Variants in BBS7 observed in about 807,000 individuals in gnomAD.
The protein encoded by BBS7 is BBSome complex member BBS7.
BBS7 carries 50 observed loss-of-function variants against 90.3 expected under a neutral mutation model. The observed-to-expected ratio is 0.55, with a 90% CI of 0.44 to 0.70. The LOEUF (loss-of-function observed/expected upper bound fraction) is 0.70. BBS7 is among the 30% of genes least tolerant of loss of function. The pLI, the probability that BBS7 is intolerant of heterozygous loss-of-function variation, is 0.00. For synonymous variants in BBS7, 235 were observed against 287.4 expected (o/e 0.82, Z 1.85); for missense variants, 729 against 838.9 (o/e 0.87, Z 1.62).
At chr4:121,837,050 C>T (rs1320413151) in intron 13 of BBS7, among the ~76,000 whole-genome samples, 2 of 152,022 alleles carry the variant, frequency 1.3e-5, no homozygotes, top group South Asian at 2.1e-4. Context: ...ACCTCCGTCT[C>T]CTGGGTTCAA....
chr4:121,844,835 T>C (rs1208776089), intron 11 of BBS7, among the ~76,000 whole-genome samples: 1 of 151,046 alleles, frequency 6.6e-6, no homozygotes, highest in African/African-American at 2.4e-5. Context: ...TTTGGGGCTT[T>C]AAAAAAAAAT....
At chr4:121,829,403 G>A (rs1725066270) in intron 15 of BBS7, among the ~76,000 whole-genome samples, 2 of 151,846 alleles carry the variant, frequency 1.3e-5, no homozygotes, top group African/African-American at 4.8e-5. Flanking sequence ...CCCAGCTAAT[G>A]TTTTCGTATT....
At position 121,825,989 on chromosome 4, in the gene BBS7, C is replaced by T; in HGVS notation, c.2019G>A (p.Met673Ile). 1.3e-6 allele frequency: 2 copies of T among 1,596,244 alleles called. No homozygotes were observed. The highest frequency in any genetic ancestry group is 1.7e-6 in the Non-Finnish European group (2 of 1,165,596). Residue 673 changes from methionine (M) to isoleucine (I), a missense_variant, in exon 19 of 19, where the codon ATG (methionine) becomes ATA (isoleucine). Met to Ile is a conservative substitution (Grantham distance 10). Coordinates refer to ENST00000264499, the MANE Select transcript of BBS7 (RefSeq NM_176824.3). ...QPAHLERLYG[M>I]ITDLFIDKFK... Reference sequence around the variant, plus strand: ...ATTTATCTATGAAAAGATCAGTGATCATGCCTTTAAAGAAAAAACATAAAT... The same window carrying T: ...ATTTATCTATGAAAAGATCAGTGATTATGCCTTTAAAGAAAAAACATAAAT...
At chr4:121,854,930 T>TG in intron 6 of BBS7, 110 bp from the exon 7 acceptor site, 1 of 1,058,140 alleles carries the variant, frequency 9.5e-7, no homozygotes, top group South Asian at 1.4e-5. Context: ...TATAAAAAGA[T>TG]ATAAAACTTA....
chr4:121,831,036 C>T (rs1413055682), intron 15 of BBS7, among the ~76,000 whole-genome samples: 1 of 151,790 alleles, frequency 6.6e-6, no homozygotes, highest in Non-Finnish European at 1.5e-5. Flanking sequence ...TGAAACTAGT[C>T]TCTACTAAAA....
chr4:121,842,342 T>A (rs1010837816), intron 12 of BBS7, among the ~76,000 whole-genome samples: 11 of 151,026 alleles, frequency 7.3e-5, no homozygotes, highest in African/African-American at 1.9e-4. Context: ...TTTTTAAAAA[T>A]ATATATATAA....
rs755304231 is a variant in BBS7 at position 121,833,261 on chromosome 4, A to G, written c.1646T>C (p.Phe549Ser). ...ECVTFYFQNTFLDTQLESTYR... is the reference protein window; with the variant it reads ...ECVTFYFQNTSLDTQLESTYR... ...GGTACTTTCAAGTTGTGTATCTAGA[A>G]AGGTGTTCTGAAAGTAAAATGTCAC... is the stretch of plus-strand genomic sequence containing the variant. The change falls in exon 15 of 19, where the codon TTT (phenylalanine) becomes TCT (serine). Residue 549 changes from phenylalanine to serine, a missense_variant. Phe to Ser is a radical substitution (Grantham distance 155, BLOSUM62 -2). Transcript: ENST00000264499. 6.2e-7 allele frequency: 1 copy of G among 1,614,016 alleles called. No homozygotes were observed. The highest frequency in any genetic ancestry group is 1.1e-5 in the South Asian group (1 of 91,082).
chr4:121,853,137 C>A, intron 7 of BBS7, 51 bp from the exon 8 acceptor site: 3 of 1,576,952 alleles, frequency 1.9e-6, no homozygotes, highest in South Asian at 2.2e-5. Context: ...TAGTTATGGT[C>A]AAGTATATGC....
intron 14 of BBS7, 39 bp downstream of exon 14, chr4:121,835,105 T>C (rs1176332643): frequency 6.2e-7 from 1 of 1,607,124 alleles, no homozygotes; most frequent in Non-Finnish European, 8.5e-7. Context: ...TTGAATTGTG[T>C]AATATCCTAA....
At chr4:121,844,117 A>T in intron 11 of BBS7, 116 bp from the exon 12 acceptor site, 2 of 671,576 alleles carry the variant, frequency 3.0e-6, no homozygotes, top group South Asian at 3.6e-5. Context: ...TTTAAATTTG[A>T]GAGTATGAAT....
Position 121,845,749 on chromosome 4 carries a change from C to G in BBS7, c.1038-53G>C, listed in dbSNP as rs367875451. The stretch of plus-strand genomic sequence containing the variant: ...AAATATAAGTATAAACATTTGAGGT[C>G]GTTAGGATGTTTACAAAAATTTGAG... On this transcript the variant is annotated intron_variant, in intron 10 of 18. Coordinates refer to ENST00000264499, the MANE Select transcript of BBS7 (RefSeq NM_176824.3). 3.4e-6 allele frequency: 5 copies of G among 1,475,534 alleles called. No homozygotes were observed. In the East Asian group the frequency reaches 9.1e-5, roughly 27 times the overall value. 91.4% of individuals were successfully genotyped at this position (1,475,534 alleles called of 1,614,324 possible).
chr4:121,855,334 G>T, intron 6 of BBS7, 155 bp downstream of exon 6: 1 of 713,408 alleles, frequency 1.4e-6, no homozygotes, highest in Non-Finnish European at 2.4e-6. Flanking sequence ...GAAAAAAACG[G>T]AGAATTAAAA....
intron 8 of BBS7, among the ~76,000 whole-genome samples, chr4:121,849,273 T>C (rs1726181407): frequency 6.6e-6 from 1 of 152,204 alleles, no homozygotes; most frequent in East Asian, 1.9e-4. Context: ...CAATCACAGC[T>C]CACTGCAGCC....
chr4:121,847,380 A>G (rs754621090), intron 10 of BBS7, 24 bp downstream of exon 10: 7 of 1,486,866 alleles, frequency 4.7e-6, no homozygotes, highest in South Asian at 4.5e-5. Flanking sequence ...TTTTTAAAAA[A>G]GCAAATAAAA....
intron 10 of BBS7, among the ~76,000 whole-genome samples, chr4:121,846,986 G>A (rs1236809922): frequency 2.6e-5 from 4 of 152,082 alleles, no homozygotes; most frequent in Admixed American, 6.6e-5. Context: ...ACTCAGTTCC[G>A]GTTAAGAAAA....
chr4:121,834,534 C>A (rs1169494274), intron 14 of BBS7, among the ~76,000 whole-genome samples: 1 of 152,104 alleles, frequency 6.6e-6, no homozygotes, highest in Admixed American at 6.5e-5. Flanking sequence ...CTTTTCTAAG[C>A]CTCCATTTCT....
Position 121,845,358 on chromosome 4 carries a change from ACT to A in BBS7, c.1230+144_1230+145del, listed in dbSNP as rs1347671914. ...ACTCCAGTCTAGGTGACAGAGTAAA[ACT>A]CTGTCTCAAAAAAATAAAAATAAAA... is the stretch of plus-strand genomic sequence containing the variant. On this transcript the variant is annotated intron_variant, in intron 11 of 18. Transcript: ENST00000264499. 4 of 423,104 alleles carry A rather than the reference ACT, an allele frequency of 9.5e-6. No homozygotes were observed. In the East Asian group the frequency reaches 1.8e-4, roughly 19 times the overall value. The allele number at this position is 423,104 out of a possible 1,614,324, so 26.2% of individuals were successfully genotyped here.
At chr4:121,861,112 C>A (rs1210741744) in intron 4 of BBS7, among the ~76,000 whole-genome samples, 1 of 152,112 alleles carries the variant, frequency 6.6e-6, no homozygotes, top group Non-Finnish European at 1.5e-5. Flanking sequence ...ACCTGATATA[C>A]CTGAAATTAT....
intron 15 of BBS7, among the ~76,000 whole-genome samples, chr4:121,831,326 G>T (rs185799010): frequency 6.6e-6 from 1 of 152,042 alleles, no homozygotes; most frequent in East Asian, 1.9e-4. Context: ...GAGAATCAAA[G>T]AAGGCTTCAA....
Sources: gnomAD v4.1 joint callset for allele counts (sites outside exome capture counted in the v4.1 genomes callset) on GRCh38, gnomAD v4.1.1 for gene constraint, MANE v1.5 for transcripts, NCBI Gene and HGNC (gene_info 2026-07-23, HGNC 2026-07-21) for gene names.